The following FAAH2 variants were observed in gnomAD, a reference collection of about 807,000 sequenced individuals.
FAAH2 encodes the protein fatty acid amide hydrolase 2.
FAAH2 carries 60 observed loss-of-function variants against 36.9 expected under a neutral mutation model. The ratio of observed to expected loss-of-function variants is 1.63; its 90% confidence interval spans 1.32 to 2.02. The LOEUF (loss-of-function observed/expected upper bound fraction) is 2.02. FAAH2 is among the 30% of genes most tolerant of loss of function. The pLI is 0.00. For synonymous variants in FAAH2, 214 were observed against 143.8 expected (o/e 1.49, Z -3.49); for missense variants, 689 against 397.5 (o/e 1.73, Z -6.23).
chrX:57,398,629 G>A (rs1054897729), intron 7 of FAAH2, among the ~76,000 whole-genome samples: 9 of 110,034 alleles, frequency 8.2e-5, no homozygotes, highest in East Asian at 2.9e-4. Flanking sequence ...GGGGGTTGTC[G>A]CTGCCGGCTC....
At chrX:57,450,839 T>C (rs932014838) in intron 10 of FAAH2, among the ~76,000 whole-genome samples, 1 of 111,542 alleles carries the variant, frequency 9.0e-6, no homozygotes, top group African/African-American at 3.3e-5. Flanking sequence ...ATAATAGTGA[T>C]AATGATACCA....
intron 7 of FAAH2, among the ~76,000 whole-genome samples, chrX:57,411,088 A>T (rs1049208449): frequency 1.8e-5 from 2 of 111,890 alleles, no homozygotes; most frequent in African/African-American, 6.5e-5. Flanking sequence ...GGGAAGAAAG[A>T]TCTTTACCAG....
At chrX:57,167,078 G>C in the FAAH2 span, among the ~76,000 whole-genome samples, 1 of 111,775 alleles carries the variant, frequency 8.9e-6, no homozygotes, top group Non-Finnish European at 1.9e-5. Context: ...ACAGCTTTAT[G>C]TTGGGATGGG....
At chrX:57,424,775 A>T (rs996806481) in intron 7 of FAAH2, among the ~76,000 whole-genome samples, 4 of 112,115 alleles carry the variant, frequency 3.6e-5, no homozygotes, top group Admixed American at 9.5e-5. Context: ...AAGAGAAAAT[A>T]TCTCCAGATG....
chrX:57,348,224 T>C (rs1479230010), intron 5 of FAAH2, among the ~76,000 whole-genome samples: 1 of 110,352 alleles, frequency 9.1e-6, no homozygotes, highest in Admixed American at 9.7e-5. Flanking sequence ...GCACTCTTCC[T>C]AGGGAACTGA....
intron 5 of FAAH2, among the ~76,000 whole-genome samples, chrX:57,359,858 AG>A (rs983391644): frequency 1.2e-4 from 13 of 111,508 alleles, no homozygotes; most frequent in African/African-American, 4.2e-4. Flanking sequence ...TCTTGATGGC[AG>A]GTGTAAAGGG....
rs767149894 is a variant in FAAH2 at position 57,292,583 on chromosome X, G to A, written c.275+3G>A. ...ATCAATGGAATTGTCAAGTACAGGT[G>A]AGCATTTCCACTCTCTCAAGGAGTC... On this transcript the variant is annotated splice_donor_region_variant and intron_variant, in intron 2 of 10. Coordinates refer to ENST00000374900, the MANE Select transcript of FAAH2 (RefSeq NM_174912.4). 97 of 1,200,563 alleles carry A rather than the reference G, an allele frequency of 8.1e-5. No homozygotes were observed. The highest frequency in any genetic ancestry group is 1.0e-4 in the Non-Finnish European group (93 of 888,307).
the FAAH2 span, among the ~76,000 whole-genome samples, chrX:57,225,851 G>A: frequency 1.2e-4 from 13 of 111,594 alleles, no homozygotes; most frequent in East Asian, 5.6e-4. Context: ...AAGATTATGC[G>A]GTTTTCCTGT....
At chrX:57,393,939 C>T in intron 7 of FAAH2, 1 of 901,346 alleles carries the variant, frequency 1.1e-6, no homozygotes, top group South Asian at 2.0e-5. Flanking sequence ...TCAGTCTTGT[C>T]AATGCCTAGT....
the FAAH2 span, among the ~76,000 whole-genome samples, chrX:57,250,244 A>G: frequency 8.9e-6 from 1 of 112,104 alleles, no homozygotes; most frequent in Non-Finnish European, 1.9e-5. Context: ...GAACATCTGT[A>G]AGGGATCAAA....
the FAAH2 span, among the ~76,000 whole-genome samples, chrX:57,232,549 T>C: frequency 1.8e-5 from 2 of 112,359 alleles, no homozygotes; most frequent in African/African-American, 6.5e-5. Flanking sequence ...GGAGACTACA[T>C]GCACAGTTCT....
chrX:57,207,761 G>A, the FAAH2 span, among the ~76,000 whole-genome samples: 7 of 112,408 alleles, frequency 6.2e-5, no homozygotes, highest in African/African-American at 1.9e-4. Context: ...TATCATCCCT[G>A]CTGGCAAGGA....
At chrX:57,466,183 C>A (rs1229471717) in intron 10 of FAAH2, among the ~76,000 whole-genome samples, 1 of 78,627 alleles carries the variant, frequency 1.3e-5, no homozygotes, top group East Asian at 4.2e-4. Context: ...TATATATACC[C>A]ACACACACAT....
At chrX:57,145,087 T>C in the FAAH2 span, among the ~76,000 whole-genome samples, 1 of 111,782 alleles carries the variant, frequency 8.9e-6, no homozygotes, top group African/African-American at 3.3e-5. Context: ...GTGGGATTGC[T>C]GGATCAAATG....
chrX:57,424,180 C>T (rs1291666257), intron 7 of FAAH2, among the ~76,000 whole-genome samples: 5 of 111,895 alleles, frequency 4.5e-5, no homozygotes, highest in Non-Finnish European at 3.8e-5. Context: ...TACACTACTC[C>T]CCTGCTACTC....
intron 7 of FAAH2, among the ~76,000 whole-genome samples, chrX:57,423,717 G>A (rs1000255391): frequency 1.8e-5 from 2 of 111,240 alleles, no homozygotes; most frequent in East Asian, 2.8e-4. Flanking sequence ...GTGCTTGTGC[G>A]TGCCATTGGG....
chrX:57,448,852 C>G (rs2056733068), intron 10 of FAAH2, 134 bp downstream of exon 10: 2 of 585,261 alleles, frequency 3.4e-6, no homozygotes, highest in Non-Finnish European at 5.4e-6. Flanking sequence ...TGATTGAAAA[C>G]TCCAGAAAAC....
At chrX:57,322,815 T>TTTTTG (rs1569257926) in intron 3 of FAAH2, among the ~76,000 whole-genome samples, 1 of 109,790 alleles carries the variant, frequency 9.1e-6, no homozygotes, top group African/African-American at 3.3e-5. Context: ...TTTCTTTTTT[T>TTTTTG]TTTTGTTTTG....
chrX:57,361,268 T>C (rs2147139936), intron 5 of FAAH2, among the ~76,000 whole-genome samples: 1 of 111,580 alleles, frequency 9.0e-6, no homozygotes, highest in African/African-American at 3.2e-5. Flanking sequence ...TTTTTTTTAG[T>C]TTTTCAAAAT....
Sources: gnomAD v4.1 joint callset for allele counts (sites outside exome capture counted in the v4.1 genomes callset) on GRCh38, gnomAD v4.1.1 for gene constraint, MANE v1.5 for transcripts, NCBI Gene and HGNC (gene_info 2026-07-23, HGNC 2026-07-21) for gene names.